Variants in HSD17B4 observed in about 807,000 individuals in gnomAD.
HSD17B4 encodes the protein peroxisomal multifunctional enzyme type 2.
Under a neutral mutation model 101.0 loss-of-function variants are expected in HSD17B4, and 70 were observed. That is an observed-to-expected ratio of 0.69 (90% CI 0.57 to 0.85). The LOEUF (loss-of-function observed/expected upper bound fraction) is 0.85. Ranked by LOEUF, HSD17B4 falls within the 40% of genes least tolerant of loss-of-function variation. The probability of loss-of-function intolerance (pLI) is 0.00; values close to 1 mark genes in which losing one functional copy is unlikely to be tolerated. For missense variants in HSD17B4, 984 were observed against 892.4 expected, an observed-to-expected ratio of 1.10 and a Z score of -1.31; for synonymous variants, 347 against 297.1, an observed-to-expected ratio of 1.17 and a Z score of -1.73.
chr5:119,493,786 G>A, intron 10 of HSD17B4, 32 bp from the exon 11 acceptor site: 1 of 1,603,952 alleles, frequency 6.2e-7, no homozygotes, highest in Non-Finnish European at 8.5e-7. Context: ...TCAACTATGT[G>A]CTCAGTATGT....
chr5:119,479,041 T>A lies in HSD17B4; in HGVS notation c.622+20T>A, dbSNP rs1160810451. ...CTGAAGGTAAGTAAGCAAGCTTATA[T>A]TTTTCAGTGCTGTTACTTACAAACC... On this transcript the variant is annotated intron_variant, in intron 8 of 23. Coordinates refer to ENST00000510025, the MANE Select transcript of HSD17B4 (RefSeq NM_000414.4). The A allele has an allele frequency of 6.3e-7, 1 of 1,582,162 alleles. No individual in the cohort carries two copies. The highest frequency in any genetic ancestry group is 8.7e-7 in the Non-Finnish European group (1 of 1,151,038).
chr5:119,481,554 G>T (rs939860741), intron 8 of HSD17B4, among the ~76,000 whole-genome samples: 2 of 152,146 alleles, frequency 1.3e-5, no homozygotes, highest in African/African-American at 4.8e-5. Flanking sequence ...TGGTTTCTCA[G>T]TGCATGTAAA....
At chr5:119,479,234 A>T (rs1748887035) in intron 8 of HSD17B4, among the ~76,000 whole-genome samples, 1 of 152,044 alleles carries the variant, frequency 6.6e-6, no homozygotes, top group Non-Finnish European at 1.5e-5. Context: ...ATCGATAAAA[A>T]CTTTCATTCT....
chr5:119,472,401 C>CT (rs1388082754), intron 2 of HSD17B4: 3 of 151,856 alleles, frequency 2.0e-5, no homozygotes, highest in African/African-American at 7.3e-5. Flanking sequence ...GTTGTATAGC[C>CT]GATCTCTAGA....
chr5:119,496,341 G>A (rs10072256), intron 11 of HSD17B4, among the ~76,000 whole-genome samples: 1,883 of 152,284 alleles, frequency 0.012, 16 homozygotes, highest in African/African-American at 0.023. Flanking sequence ...CATTGAAGAT[G>A]TCCATTTATT....
intron 14 of HSD17B4, among the ~76,000 whole-genome samples, chr5:119,503,076 T>TTTGTGTGTGTG (rs1356722542): frequency 2.1e-5 from 3 of 140,534 alleles, no homozygotes; most frequent in African/African-American, 8.1e-5. Flanking sequence ...ACCTTGGAAA[T>TTTGTGTGTGTG]TGTGTGTGTG....
At chr5:119,495,924 A>G (rs929058142) in intron 11 of HSD17B4, 1 of 153,316 alleles carries the variant, frequency 6.5e-6, no homozygotes, top group African/African-American at 2.4e-5. Context: ...GGTTTGTGAG[A>G]AAGGTCCCAG....
intron 2 of HSD17B4, among the ~76,000 whole-genome samples, chr5:119,470,890 G>A (rs1222613987): frequency 2.6e-5 from 4 of 152,172 alleles, no homozygotes; most frequent in African/African-American, 4.8e-5. Context: ...GAGTGGGTCA[G>A]TGTCAATTTA....
At chr5:119,524,404 G>T (rs1753390265) in intron 17 of HSD17B4, among the ~76,000 whole-genome samples, 1 of 152,082 alleles carries the variant, frequency 6.6e-6, no homozygotes, top group Non-Finnish European at 1.5e-5. Context: ...CATTTCAGTA[G>T]TCTTTGGAAA....
At chr5:119,492,145 G>A (rs1225713585) in intron 10 of HSD17B4, 21 bp downstream of exon 10, 1 of 1,586,862 alleles carries the variant, frequency 6.3e-7, no homozygotes, top group Admixed American at 1.7e-5. Flanking sequence ...CTCAGTTTTT[G>A]GTTTGTATAG....
intron 15 of HSD17B4, among the ~76,000 whole-genome samples, chr5:119,507,959 A>G (rs907734353): frequency 1.3e-5 from 2 of 152,098 alleles, no homozygotes; most frequent in Admixed American, 6.6e-5. Flanking sequence ...TTGGAATATA[A>G]GTTTATCATT....
intron 2 of HSD17B4, among the ~76,000 whole-genome samples, chr5:119,457,418 TAC>T (rs1754783276): frequency 6.6e-6 from 1 of 152,258 alleles, no homozygotes. Context: ...GAGCACTTGA[TAC>T]ACTTTTCTCC....
chr5:119,473,773 G>T, intron 2 of HSD17B4, 135 bp from the exon 3 acceptor site: 2 of 704,782 alleles, frequency 2.8e-6, no homozygotes, highest in South Asian at 3.1e-5. Flanking sequence ...TAGTAAGATG[G>T]GATAGGGTAG....
chr5:119,511,576 G>C (rs59034186), intron 16 of HSD17B4, among the ~76,000 whole-genome samples: 15,429 of 152,046 alleles, frequency 0.1, 1,044 homozygotes, highest in African/African-American at 0.19. Flanking sequence ...TACCAAAAGA[G>C]GCAGACAGTT....
intron 2 of HSD17B4, 90 bp downstream of exon 2, chr5:119,456,458 G>GT: frequency 1.1e-6 from 1 of 912,840 alleles, no homozygotes; most frequent in East Asian, 2.4e-5. Context: ...CAAATAATTT[G>GT]TCAAGGTTGA....
intron 2 of HSD17B4, among the ~76,000 whole-genome samples, chr5:119,467,214 G>A (rs1580528055): frequency 1.3e-5 from 2 of 152,314 alleles, no homozygotes; most frequent in East Asian, 1.9e-4. Context: ...AATGTTCCAT[G>A]TGCTGATGTG....
chr5:119,516,128 A>AT (rs987416103), intron 17 of HSD17B4, among the ~76,000 whole-genome samples: 57 of 152,016 alleles, frequency 3.7e-4, no homozygotes, highest in Non-Finnish European at 7.4e-4. Context: ...GTACATATGT[A>AT]TTTTTTTTCT....
chr5:119,509,303 T>C (rs887640608), intron 16 of HSD17B4, 59 bp downstream of exon 16: 5 of 1,030,310 alleles, frequency 4.9e-6, no homozygotes, highest in East Asian at 4.7e-5. Flanking sequence ...ACCTATACAA[T>C]TGAGACTTGA....
intron 13 of HSD17B4, among the ~76,000 whole-genome samples, chr5:119,500,043 TAA>T (rs1347509200): frequency 1.3e-5 from 2 of 152,292 alleles, no homozygotes; most frequent in African/African-American, 4.8e-5. Flanking sequence ...GGAGTAATTG[TAA>T]AGATTTCAGC....
Sources: allele counts gnomAD v4.1 joint callset (sites outside exome capture counted in the v4.1 genomes callset), GRCh38; gene constraint gnomAD v4.1.1; transcripts MANE v1.5; gene names NCBI Gene and HGNC (gene_info 2026-07-23, HGNC 2026-07-21).